The following CHRM3 variants were observed in gnomAD, a reference collection of about 807,000 sequenced individuals.
The protein encoded by CHRM3 is muscarinic acetylcholine receptor M3.
In CHRM3, 11 loss-of-function variants were observed where a neutral mutation model predicts 41.8. The ratio of observed to expected loss-of-function variants is 0.26; its 90% CI spans 0.17 to 0.44. The LOEUF (loss-of-function observed/expected upper bound fraction) is 0.44, where lower values mean the gene tolerates loss of function less well. CHRM3 is among the 20% of genes least tolerant of loss of function. The pLI is 1.00. For synonymous variants in CHRM3, 297 were observed against 301.4 expected, an observed-to-expected ratio of 0.99 and a Z score of 0.15; for missense variants, 571 against 745.4, an observed-to-expected ratio of 0.77 and a Z score of 2.72.
At chr1:239,499,104 G>T (rs1335373877) in intron 2 of CHRM3, among the ~76,000 whole-genome samples, 1 of 152,122 alleles carries the variant, frequency 6.6e-6, no homozygotes, top group Non-Finnish European at 1.5e-5. Flanking sequence ...TTGAAAGGTA[G>T]AAGTGCGTAT....
At chr1:239,878,144 C>T (rs1677275495) in intron 6 of CHRM3, among the ~76,000 whole-genome samples, 1 of 151,814 alleles carries the variant, frequency 6.6e-6, no homozygotes, top group African/African-American at 2.4e-5. Context: ...CCCGCTTCGG[C>T]CTCCCAAAGT....
rs1449013069 is a variant in CHRM3, at chr1:239,524,024, C to T, written c.-421-21617C>T. The stretch of plus-strand genomic sequence containing the variant: ...CAGGCAAGGGATGCTGAATTATGGT[C>T]GTCTTGTAAAATTTAATACCACATT... On this transcript the variant is annotated intron_variant, in intron 2 of 6. Coordinates refer to ENST00000676153, the MANE Select transcript of CHRM3 (RefSeq NM_001375978.1). Among the ~76,000 whole-genome samples the T allele has an allele frequency of 3.3e-5, 5 of 152,286 alleles. No homozygotes were observed. The East Asian group carries it at 7.7e-4, about 24-fold the overall frequency.
At chr1:239,552,255 T>C (rs1247564030) in intron 3 of CHRM3, among the ~76,000 whole-genome samples, 1 of 147,396 alleles carries the variant, frequency 6.8e-6, no homozygotes, top group African/African-American at 2.5e-5. Context: ...TATGTATAGA[T>C]GATATGTATC....
chr1:239,764,612 C>T (rs959656471), intron 5 of CHRM3, among the ~76,000 whole-genome samples: 26 of 152,234 alleles, frequency 1.7e-4, no homozygotes, highest in African/African-American at 6.0e-4. Context: ...ATCACTTTAT[C>T]TCCTTTCCCA....
intron 3 of CHRM3, among the ~76,000 whole-genome samples, chr1:239,611,959 G>A (rs1056153277): frequency 2.6e-5 from 4 of 152,148 alleles, no homozygotes; most frequent in African/African-American, 9.7e-5. Flanking sequence ...TCTAACTTAT[G>A]TAAATGAGTT....
At chr1:239,498,465 T>G (rs188889593) in intron 2 of CHRM3, among the ~76,000 whole-genome samples, 47 of 152,306 alleles carry the variant, frequency 3.1e-4, no homozygotes, top group African/African-American at 1.1e-3. Context: ...AATTTCTGGA[T>G]AATGAATCCT....
chr1:239,516,461 G>T lies in CHRM3; in HGVS notation c.-422+23654G>T, dbSNP rs142555091. ...AGTAAATATTAATGACATTTCATCT[G>T]CCTTTGGGTATTTTTTGAGTTCCTA... On this transcript the variant is annotated intron_variant, in intron 2 of 6. Transcript: ENST00000676153. 1.3e-4 allele frequency among the ~76,000 whole-genome samples: 20 copies of T among 152,264 alleles called. No homozygotes were observed. The East Asian group carries it at 3.9e-3, about 29-fold the overall frequency.
At chr1:239,660,770 C>T (rs1202771768) in intron 4 of CHRM3, among the ~76,000 whole-genome samples, 1 of 152,064 alleles carries the variant, frequency 6.6e-6, no homozygotes, top group Non-Finnish European at 1.5e-5. Context: ...TGTAATTCCA[C>T]CTATTCTGAA....
chr1:239,745,999 CATTTA>C (rs1665321472), intron 5 of CHRM3, among the ~76,000 whole-genome samples: 1 of 152,190 alleles, frequency 6.6e-6, no homozygotes, highest in Admixed American at 6.5e-5. Context: ...TTAATCATTT[CATTTA>C]ATTCGTAAAG....
chr1:239,839,682 A>G (rs1055717454), intron 6 of CHRM3, among the ~76,000 whole-genome samples: 5 of 152,126 alleles, frequency 3.3e-5, no homozygotes, highest in African/African-American at 1.2e-4. Flanking sequence ...CAAGGTCAAG[A>G]GTCCACTTAT....
At chr1:239,597,247 A>G (rs777863540) in intron 3 of CHRM3, among the ~76,000 whole-genome samples, 2 of 152,046 alleles carry the variant, frequency 1.3e-5, no homozygotes, top group Non-Finnish European at 2.9e-5. Context: ...AAGGTATAGG[A>G]TATGTTCTCT....
At chr1:239,794,783 A>G (rs1450044495) in intron 5 of CHRM3, among the ~76,000 whole-genome samples, 1 of 152,194 alleles carries the variant, frequency 6.6e-6, no homozygotes, top group Non-Finnish European at 1.5e-5. Context: ...TTTATTTTAC[A>G]TTGATATATC....
intron 5 of CHRM3, among the ~76,000 whole-genome samples, chr1:239,682,466 C>A (rs1241335145): frequency 6.6e-6 from 1 of 152,076 alleles, no homozygotes; most frequent in African/African-American, 2.4e-5. Flanking sequence ...AAAAATCCAT[C>A]ATTTTGCCAC....
chr1:239,661,097 G>T (rs1673154528), intron 4 of CHRM3, among the ~76,000 whole-genome samples: 1 of 152,120 alleles, frequency 6.6e-6, no homozygotes, highest in Non-Finnish European at 1.5e-5. Context: ...GGTACTGCTT[G>T]TACACAGTTA....
At chr1:239,666,822 C>T (rs1490292155) in intron 4 of CHRM3, among the ~76,000 whole-genome samples, 4 of 152,160 alleles carry the variant, frequency 2.6e-5, no homozygotes, top group Non-Finnish European at 5.9e-5. Context: ...AACATTTCCC[C>T]CTCCTCCCAG....
intron 5 of CHRM3, among the ~76,000 whole-genome samples, chr1:239,682,176 T>C (rs1658632141): frequency 6.6e-6 from 1 of 152,214 alleles, no homozygotes; most frequent in Non-Finnish European, 1.5e-5. Flanking sequence ...CAGTGTTTAT[T>C]AATGAGATGT....
At chr1:239,631,929 C>T (rs1286561372) in intron 3 of CHRM3, among the ~76,000 whole-genome samples, 1 of 152,136 alleles carries the variant, frequency 6.6e-6, no homozygotes, top group Admixed American at 6.5e-5. Context: ...ACTCTATCTC[C>T]CTTCCTTGCA....
intron 1 of CHRM3, among the ~76,000 whole-genome samples, chr1:239,479,758 A>G (rs1356166589): frequency 2.6e-5 from 4 of 152,220 alleles, no homozygotes; most frequent in Non-Finnish European, 5.9e-5. Context: ...AGTAAAAAAT[A>G]TAGTAGAAAA....
rs1211403001 is a variant in CHRM3, at chr1:239,800,377, C to T, written c.-146-26875C>T. Reference sequence around the variant, plus strand: ...AGATATCGTCATCATCTCTTTGTTCCTCACATTAAATAGCACAGTGCCAGG... The same window carrying T: ...AGATATCGTCATCATCTCTTTGTTCTTCACATTAAATAGCACAGTGCCAGG... On this transcript the variant is annotated intron_variant, in intron 5 of 6. Transcript: ENST00000676153. Among the ~76,000 whole-genome samples the T allele has an allele frequency of 2.0e-5, 3 of 152,182 alleles. No individual in the cohort carries two copies. In the East Asian group the frequency reaches 5.8e-4, roughly 29 times the overall value.
Sources: allele counts gnomAD v4.1 joint callset (sites outside exome capture counted in the v4.1 genomes callset), GRCh38; gene constraint gnomAD v4.1.1; transcripts MANE v1.5; gene names NCBI Gene and HGNC (gene_info 2026-07-23, HGNC 2026-07-21).